The following C1orf159 variants were observed in gnomAD, a reference collection of about 807,000 sequenced individuals.
The protein encoded by C1orf159 is chromosome 1 open reading frame 159, also known as uncharacterized protein C1orf159.
A neutral mutation model predicts 25.6 loss-of-function variants in C1orf159; 19 were observed. The observed-to-expected ratio is 0.74, with a 90% CI of 0.52 to 1.09. The LOEUF (loss-of-function observed/expected upper bound fraction) is 1.09, where lower values mean the gene tolerates loss of function less well. C1orf159 is among the 50% of genes least tolerant of loss of function. The pLI, the probability that C1orf159 is intolerant of heterozygous loss-of-function variation, is 0.00. For synonymous variants in C1orf159, 139 were observed against 124.7 expected (o/e 1.12, Z -0.77); for missense variants, 274 against 290.6 (o/e 0.94, Z 0.42).
At chr1:1,084,268 C>T (rs1240427041) in intron 9 of C1orf159, 85 bp downstream of exon 9, 3 of 1,519,466 alleles carry the variant, frequency 2.0e-6, no homozygotes, top group Non-Finnish European at 2.6e-6. Flanking sequence ...GCCAGGCAAA[C>T]CCGTTTGGGG....
At chr1:1,115,211 TGCCCCCGAACACCTG>T (rs1163057168) in intron 1 of C1orf159, 1 of 152,060 alleles carries the variant, frequency 6.6e-6, no homozygotes, top group Admixed American at 6.5e-5. Context: ...CGGTAAGAAA[TGCCCCCGAACACCTG>T]GGCTTAAATT....
intron 7 of C1orf159, 136 bp downstream of exon 7, chr1:1,085,742 C>T: frequency 8.6e-7 from 1 of 1,156,418 alleles, no homozygotes; most frequent in Non-Finnish European, 1.2e-6. Context: ...CCAAAAGCCA[C>T]AGGACAGGCC....
intron 1 of C1orf159, among the ~76,000 whole-genome samples, chr1:1,098,680 A>G (rs1646044524): frequency 5.9e-5 from 9 of 152,112 alleles, no homozygotes; most frequent in Admixed American, 5.9e-4. Flanking sequence ...GTGCAGTGGC[A>G]CGATCTCGGG....
intron 2 of C1orf159, 131 bp from the exon 3 acceptor site, chr1:1,091,696 TG>T (rs1443567534): frequency 3.8e-6 from 1 of 262,628 alleles, no homozygotes; most frequent in African/African-American, 3.8e-5. Context: ...CAGAGCCAAA[TG>T]GAGATGGGTG....
intron 1 of C1orf159, among the ~76,000 whole-genome samples, chr1:1,100,125 C>A (rs542419148): frequency 4.5e-4 from 68 of 152,316 alleles, no homozygotes; most frequent in African/African-American, 1.5e-3. Context: ...GACGGACAGA[C>A]AGACACACAC....
chr1:1,087,656 C>G lies in C1orf159; in HGVS notation c.149-59G>C, dbSNP rs1056684455. ...AGCAAAATCCACACCAGCTGGGTCTCCTGGGAATGATTCTCTATTTGAGTT... is the reference window on the plus strand; with the variant it reads ...AGCAAAATCCACACCAGCTGGGTCTGCTGGGAATGATTCTCTATTTGAGTT... On this transcript the variant is annotated intron_variant, in intron 4 of 9. Transcript: ENST00000421241. This position sits in a 1 kb window ranked among gnomAD's most constrained non-coding sequence, Gnocchi z 8.3. 3 of 1,233,202 alleles carry G rather than the reference C, an allele frequency of 2.4e-6. No individual in the cohort carries two copies. In the African/African-American group the frequency reaches 4.5e-5, roughly 19 times the overall value. The allele number at this position is 1,233,202 out of a possible 1,614,324, so 76.4% of individuals were successfully genotyped here. A position where few individuals can be genotyped will look rare whatever the true frequency, so the allele number is the denominator to read the frequency against.
At chr1:1,104,504 T>A (rs1374303699) in intron 1 of C1orf159, among the ~76,000 whole-genome samples, 1 of 152,182 alleles carries the variant, frequency 6.6e-6, no homozygotes, top group Non-Finnish European at 1.5e-5. Context: ...GGTCACTCTG[T>A]TAGAAGTTTA....
intron 9 of C1orf159, chr1:1,083,977 T>C: frequency 1.2e-6 from 2 of 1,605,022 alleles, no homozygotes; most frequent in Admixed American, 1.7e-5. Context: ...CAGGAGGGCC[T>C]GGCGGAGGCC....
intron 1 of C1orf159, among the ~76,000 whole-genome samples, chr1:1,107,681 T>C (rs998099021): frequency 2.0e-5 from 3 of 152,166 alleles, no homozygotes; most frequent in Non-Finnish European, 4.4e-5. Flanking sequence ...CAACAGGATG[T>C]GGGTGGGGTC....
chr1:1,098,000 G>GT (rs1282101114), intron 1 of C1orf159, among the ~76,000 whole-genome samples: 2 of 151,606 alleles, frequency 1.3e-5, no homozygotes, highest in African/African-American at 4.9e-5. Context: ...CAACAATTTT[G>GT]ATGTTATATT....
Position 1,088,424 on chromosome 1 carries a change from G to A in C1orf159, c.149-827C>T, listed in dbSNP as rs1176215203. On this transcript the variant is annotated intron_variant, in intron 4 of 9. Transcript: ENST00000421241. ...CCCTCATGCCGCCCAAGCAGGATAGGCCCACCCGCCAGCAGCACAGCCTCC... is the reference window on the plus strand; with the variant it reads ...CCCTCATGCCGCCCAAGCAGGATAGACCCACCCGCCAGCAGCACAGCCTCC... Among the ~76,000 whole-genome samples, 5 of 141,320 alleles carry A rather than the reference G, an allele frequency of 3.5e-5. No individual in the cohort carries two copies. In the South Asian group the frequency reaches 9.9e-4, roughly 28 times the overall value. The allele number at this position is 141,320 out of a possible 152,430, so 92.7% of individuals were successfully genotyped here. A position where few individuals can be genotyped will look rare whatever the true frequency, so the allele number is the denominator to read the frequency against.
Position 1,082,792 on chromosome 1 carries a change from C to CCCGGGCG in C1orf159, c.*94_*100dup, listed in dbSNP as rs1171295033. 2 of 1,105,718 alleles carry CCCGGGCG rather than the reference C, an allele frequency of 1.8e-6. No individual in the cohort carries two copies. Among genetic ancestry groups the CCCGGGCG allele is most frequent in the East Asian group, 2.6e-5 (1 of 38,768 alleles). The allele number at this position is 1,105,718 out of a possible 1,614,324, so 68.5% of individuals were successfully genotyped here. On this transcript the variant is annotated 3_prime_UTR_variant, in exon 10 of 10. Transcript: ENST00000421241. ...GAGCCGAGGCTGTGCCCAGGACTGT[C>CCCGGGCG]CCGGGCGCCGGGCGATGCCAACACT... is the stretch of plus-strand genomic sequence containing the variant.
chr1:1,090,303 C>T (rs78892683), intron 4 of C1orf159, 50 bp downstream of exon 4: 1 of 1,523,178 alleles, frequency 6.6e-7, no homozygotes. Context: ...CACACACACA[C>T]CAGTGGCTCA....
At chr1:1,084,589 G>A (rs1419189670) in intron 7 of C1orf159, 83 bp from the exon 8 acceptor site, 2 of 1,515,732 alleles carry the variant, frequency 1.3e-6, no homozygotes, top group Non-Finnish European at 1.8e-6. Context: ...GGACAGCAGA[G>A]CGAGGAGCTG....
rs892883197 is a variant in C1orf159 at position 1,089,688 on chromosome 1, C to A, written c.148+665G>T. 6.6e-6 allele frequency among the ~76,000 whole-genome samples: 1 copy of A among 152,148 alleles called. No homozygotes were observed. Reference sequence around the variant, plus strand: ...ACCCCCAGGATGGGAGTGCCAAGGCCCTTGGAGGTACAGCTGGGGCATCTC... The same window carrying A: ...ACCCCCAGGATGGGAGTGCCAAGGCACTTGGAGGTACAGCTGGGGCATCTC... On this transcript the variant is annotated intron_variant, in intron 4 of 9. Transcript: ENST00000421241. This position sits in a 1 kb window ranked among gnomAD's most constrained non-coding sequence, Gnocchi z 7.5.
intron 1 of C1orf159, among the ~76,000 whole-genome samples, chr1:1,112,282 G>A (rs1199439841): frequency 1.3e-5 from 2 of 152,254 alleles, no homozygotes; most frequent in East Asian, 3.8e-4. Flanking sequence ...GCACTGAGAG[G>A]CAAAATGGCG....
chr1:1,103,970 C>G (rs1263837967), intron 1 of C1orf159, among the ~76,000 whole-genome samples: 1 of 150,992 alleles, frequency 6.6e-6, no homozygotes, highest in Non-Finnish European at 1.5e-5. Flanking sequence ...AGTGAGCTGC[C>G]CTGCCAGATA....
intron 1 of C1orf159, among the ~76,000 whole-genome samples, chr1:1,112,374 GT>G (rs1646269622): frequency 6.6e-6 from 1 of 152,222 alleles, no homozygotes; most frequent in Non-Finnish European, 1.5e-5. Flanking sequence ...CACTACTCCA[GT>G]GAACACACGG....
intron 1 of C1orf159, among the ~76,000 whole-genome samples, chr1:1,099,832 G>A (rs1333013823): frequency 6.6e-6 from 1 of 151,124 alleles, no homozygotes; most frequent in East Asian, 1.9e-4. Flanking sequence ...GTCTATTGAT[G>A]TTTTTGGTCT....
Sources: gnomAD v4.1 joint callset for allele counts (sites outside exome capture counted in the v4.1 genomes callset) on GRCh38, gnomAD v4.1.1 for gene constraint, Gnocchi (gnomAD v3.1) non-coding constraint, MANE v1.5 for transcripts, NCBI Gene and HGNC (gene_info 2026-07-23, HGNC 2026-07-21) for gene names.